DAAM2: variants seen among roughly 807,000 people sequenced by gnomAD.
DAAM2 encodes the protein dishevelled associated activator of morphogenesis 2, also known as disheveled-associated activator of morphogenesis 2.
In DAAM2, 39 loss-of-function variants were observed where a neutral mutation model predicts 120.7. That is an observed-to-expected ratio of 0.32 (90% CI 0.25 to 0.42). The LOEUF (loss-of-function observed/expected upper bound fraction) is 0.42. DAAM2 is among the 10% of genes least tolerant of loss of function. DAAM2 has a pLI of 1.00. For synonymous variants in DAAM2, 488 were observed against 524.9 expected, an observed-to-expected ratio of 0.93 and a Z score of 0.96; for missense variants, 1,283 against 1,401.7, an observed-to-expected ratio of 0.92 and a Z score of 1.35.
chr6:39,900,305 C>A (rs576058249), intron 23 of DAAM2, 97 bp downstream of exon 23: 130 of 1,415,908 alleles, frequency 9.2e-5, no homozygotes, highest in Non-Finnish European at 1.2e-4. Context: ...AGGGACAAAC[C>A]CAGAGTTACA....
intron 6 of DAAM2, 192 bp from the exon 7 acceptor site, chr6:39,868,631 G>A (rs576539313): frequency 3.4e-6 from 2 of 583,958 alleles, no homozygotes; most frequent in African/African-American, 1.9e-5. Context: ...TGCCACTGAG[G>A]TGAGAGGCAA....
Position 39,901,475 on chromosome 6 carries a change from G to C in DAAM2, c.2982+3G>C. On this transcript the variant is annotated splice_donor_region_variant and intron_variant, in intron 24 of 24. Transcript: ENST00000274867. The surrounding 1 kb of genome is among the most constrained non-coding windows in gnomAD (Gnocchi z 4.5). ...GGCGGGCGCGCATGGAAGCCATGGT[G>C]AGGGGCAGTGCCAGGCCTGGGACTG... is the stretch of plus-strand genomic sequence containing the variant. 1.9e-6 allele frequency: 3 copies of C among 1,603,712 alleles called. No homozygotes were observed. Among genetic ancestry groups the C allele is most frequent in the Non-Finnish European group, 2.5e-6 (3 of 1,178,724 alleles).
At chr6:39,873,863 G>A (rs1764764122) in intron 10 of DAAM2, among the ~76,000 whole-genome samples, 1 of 152,216 alleles carries the variant, frequency 6.6e-6, no homozygotes, top group South Asian at 2.1e-4. Flanking sequence ...AGATGGCTAA[G>A]TTCTTAAGAT....
At chr6:39,797,798 C>G (rs951760920) in intron 1 of DAAM2, among the ~76,000 whole-genome samples, 2 of 152,218 alleles carry the variant, frequency 1.3e-5, no homozygotes, top group East Asian at 1.9e-4. Flanking sequence ...GTATGGTTCT[C>G]CCTGTATCCC....
chr6:39,804,893 C>G (rs1430513229), intron 1 of DAAM2, among the ~76,000 whole-genome samples: 1 of 152,308 alleles, frequency 6.6e-6, no homozygotes, highest in Admixed American at 6.5e-5. Context: ...GTATGAGACA[C>G]TGTGTGCTGA....
rs375245534 is a variant in DAAM2 at position 39,828,311 on chromosome 6, T to A, written c.-56-27936T>A. 3.9e-5 allele frequency among the ~76,000 whole-genome samples: 6 copies of A among 152,198 alleles called. No homozygotes were observed. In the East Asian group the frequency reaches 7.7e-4, roughly 19 times the overall value. On this transcript the variant is annotated intron_variant, in intron 1 of 24. Transcript: ENST00000274867. ...TTGTCTGGTGAGGGCTGCCCTCTGCTCCTAAGGTGGTGTTTTGTTGCTTCT... is the reference window on the plus strand; with the variant it reads ...TTGTCTGGTGAGGGCTGCCCTCTGCACCTAAGGTGGTGTTTTGTTGCTTCT...
chr6:39,857,294 T>C (rs1764046703), intron 2 of DAAM2, among the ~76,000 whole-genome samples: 1 of 152,236 alleles, frequency 6.6e-6, no homozygotes, highest in Admixed American at 6.5e-5. Context: ...CATTCTGTGG[T>C]GGGCCATTAG....
At chr6:39,802,669 G>A (rs1472054587) in intron 1 of DAAM2, among the ~76,000 whole-genome samples, 3 of 152,154 alleles carry the variant, frequency 2.0e-5, no homozygotes, top group Non-Finnish European at 2.9e-5. Flanking sequence ...GCCTTTTGCT[G>A]TCTACTGCCT....
chr6:39,800,979 A>G (rs562480077), intron 1 of DAAM2, among the ~76,000 whole-genome samples: 1 of 152,242 alleles, frequency 6.6e-6, no homozygotes, highest in African/African-American at 2.4e-5. Flanking sequence ...TTTGCCATTT[A>G]ATAACTTGCC....
At chr6:39,794,884 C>T (rs302622) in intron 1 of DAAM2, among the ~76,000 whole-genome samples, 20,865 of 152,148 alleles carry the variant, frequency 0.14, 1,551 homozygotes, top group Non-Finnish European at 0.16. Flanking sequence ...TAGAAGACTA[C>T]CCAGGGACAG....
intron 1 of DAAM2, among the ~76,000 whole-genome samples, chr6:39,810,635 G>A (rs3008796): frequency 0.89 from 135,933 of 151,948 alleles, 62,060 homozygotes; most frequent in Non-Finnish European, 0.99. Flanking sequence ...GAAAGGGGAA[G>A]AGCCCCATTT....
Position 39,901,300 on chromosome 6 carries a change from A to G in DAAM2, c.2812-2A>G. The G allele has an allele frequency of 6.2e-7, 1 of 1,612,720 alleles. No individual in the cohort carries two copies. The highest frequency in any genetic ancestry group is 8.5e-7 in the Non-Finnish European group (1 of 1,179,082). ...CACCAATCCTGTTCTGTCCCTTGAC[A>G]GTTCGCCAAGGCCTTGATGCACTTC... On this transcript the variant is annotated splice_acceptor_variant, in intron 23 of 24. Coordinates refer to ENST00000274867, the MANE Select transcript of DAAM2 (RefSeq NM_001201427.2). LOFTEE classifies it high-confidence loss of function. The surrounding 1 kb of genome is among the most constrained non-coding windows in gnomAD (Gnocchi z 4.5).
chr6:39,880,406 G>A (rs1765066418), intron 14 of DAAM2, among the ~76,000 whole-genome samples: 2 of 152,058 alleles, frequency 1.3e-5, no homozygotes, highest in South Asian at 2.1e-4. Context: ...ATCTGCCAGG[G>A]GTCTTCTCCT....
At chr6:39,843,877 C>T (rs1333607491) in intron 1 of DAAM2, among the ~76,000 whole-genome samples, 3 of 152,052 alleles carry the variant, frequency 2.0e-5, no homozygotes, top group Admixed American at 2.0e-4. Flanking sequence ...GGTGCTGTGG[C>T]TGTGGGGATG....
At chr6:39,830,568 G>A (rs1762843211) in intron 1 of DAAM2, among the ~76,000 whole-genome samples, 1 of 152,160 alleles carries the variant, frequency 6.6e-6, no homozygotes, top group Non-Finnish European at 1.5e-5. Flanking sequence ...GTGCAGCTGG[G>A]CCAGCAGGAG....
chr6:39,900,031 C>G (rs1766379699), intron 22 of DAAM2, 46 bp from the exon 23 acceptor site: 2 of 1,576,512 alleles, frequency 1.3e-6, no homozygotes, highest in Middle Eastern at 1.7e-4. Flanking sequence ...GCACCCGACT[C>G]TCATCTTGGC....
intron 6 of DAAM2, chr6:39,868,232 T>C (rs1233383203): frequency 3.6e-6 from 1 of 275,656 alleles, no homozygotes; most frequent in Admixed American, 4.7e-5. Flanking sequence ...TTAGGTGCTA[T>C]ACTTGGGCCA....
intron 1 of DAAM2, chr6:39,819,839 A>G (rs977311533): frequency 6.6e-6 from 1 of 152,238 alleles, no homozygotes; most frequent in Non-Finnish European, 1.5e-5. Context: ...GGTCTCTTTT[A>G]TAAGGGCATG....
At chr6:39,860,884 A>G (rs1200835840) in intron 2 of DAAM2, 44 bp from the exon 3 acceptor site, 22 of 1,490,456 alleles carry the variant, frequency 1.5e-5, no homozygotes, top group Non-Finnish European at 2.0e-5. Context: ...TCTAATCTCA[A>G]CCATCCCTAG....
Sources: allele counts gnomAD v4.1 joint callset (sites outside exome capture counted in the v4.1 genomes callset), GRCh38; gene constraint gnomAD v4.1.1; non-coding constraint Gnocchi (gnomAD v3.1); transcripts MANE v1.5; gene names NCBI Gene and HGNC (gene_info 2026-07-23, HGNC 2026-07-21).